UXS1: variants seen among roughly 807,000 people sequenced by gnomAD.
The protein encoded by UXS1 is UDP-glucuronate decarboxylase 1, also known as UDP-glucuronic acid decarboxylase 1.
A neutral mutation model predicts 62.6 loss-of-function variants in UXS1; 33 were observed. That is an observed-to-expected ratio of 0.53 (90% CI 0.40 to 0.70). The LOEUF (loss-of-function observed/expected upper bound fraction) is 0.70. Ranked by LOEUF, UXS1 falls within the 30% of genes least tolerant of loss-of-function variation. UXS1 has a pLI of 0.00. For synonymous variants in UXS1, 213 were observed against 206.8 expected, an observed-to-expected ratio of 1.03 and a Z score of -0.26; for missense variants, 434 against 556.3, an observed-to-expected ratio of 0.78 and a Z score of 2.21.
Position 106,128,654 on chromosome 2 carries a change from G to A in UXS1, c.577+1020C>T, listed in dbSNP as rs560113884. Reference sequence around the variant, plus strand: ...TTGGTTCTCTTTCTTGCTTGCAGAAGGCAGACGGTGGGACTTCTTGACCTC... The same window carrying A: ...TTGGTTCTCTTTCTTGCTTGCAGAAAGCAGACGGTGGGACTTCTTGACCTC... On this transcript the variant is annotated intron_variant, in intron 7 of 14. Coordinates refer to ENST00000283148, the MANE Select transcript of UXS1 (RefSeq NM_001253875.2). Among the ~76,000 whole-genome samples the A allele has an allele frequency of 3.3e-5, 5 of 152,270 alleles. No homozygotes were observed. The East Asian group carries it at 7.7e-4, about 23-fold the overall frequency.
chr2:106,093,809 A>T lies in UXS1; in HGVS notation c.*217T>A. The stretch of plus-strand genomic sequence containing the variant: ...CAGAGATGCATCTACGCTATTTTAC[A>T]TAAAAAGAGAGATTCAAAAAGTGCA... On this transcript the variant is annotated 3_prime_UTR_variant, in exon 15 of 15. Coordinates refer to ENST00000283148, the MANE Select transcript of UXS1 (RefSeq NM_001253875.2). 1 of 540,872 alleles carries T rather than the reference A, an allele frequency of 1.8e-6. No individual in the cohort carries two copies. Among genetic ancestry groups the T allele is most frequent in the African/African-American group, 2.0e-5 (1 of 50,724 alleles). The allele number at this position is 540,872 out of a possible 1,614,324, so 33.5% of individuals were successfully genotyped here. A position where few individuals can be genotyped will look rare whatever the true frequency, so the allele number is the denominator to read the frequency against.
intron 13 of UXS1, chr2:106,097,286 G>A (rs916404402): frequency 6.7e-6 from 3 of 445,690 alleles, no homozygotes; most frequent in African/African-American, 2.0e-5. Flanking sequence ...CCCAAGATGT[G>A]CAGCCACCCA....
intron 12 of UXS1, 90 bp from the exon 13 acceptor site, chr2:106,098,863 C>G: frequency 8.4e-7 from 1 of 1,186,120 alleles, no homozygotes; most frequent in Non-Finnish European, 1.2e-6. Flanking sequence ...GAGACGTCTA[C>G]TGGCCGAGTC....
chr2:106,193,840 G>A (rs1394449761), intron 1 of UXS1, among the ~76,000 whole-genome samples: 1 of 151,978 alleles, frequency 6.6e-6, no homozygotes, highest in Non-Finnish European at 1.5e-5. Context: ...CGACATGGAC[G>A]ACAGCGCCGC....
chr2:106,104,784 A>G lies in UXS1; in HGVS notation c.923+10T>C. On this transcript the variant is annotated intron_variant, in intron 11 of 14. Coordinates refer to ENST00000283148, the MANE Select transcript of UXS1 (RefSeq NM_001253875.2). ...ACTGCTAAGGCTGGGGCAGGGCAGGACAGTCTTACCTGACGTACTGGAACG... is the reference window on the plus strand; with the variant it reads ...ACTGCTAAGGCTGGGGCAGGGCAGGGCAGTCTTACCTGACGTACTGGAACG... The G allele has an allele frequency of 1.2e-6, 2 of 1,613,972 alleles. No individual in the cohort carries two copies. The highest frequency in any genetic ancestry group is 2.2e-5 in the East Asian group (1 of 44,882).
intron 1 of UXS1, among the ~76,000 whole-genome samples, chr2:106,192,758 T>G (rs1258521896): frequency 6.6e-6 from 1 of 152,112 alleles, no homozygotes; most frequent in Non-Finnish European, 1.5e-5. Flanking sequence ...TCCATAAATT[T>G]CCTAATCTCT....
chr2:106,144,225 T>C (rs918855615), intron 6 of UXS1, among the ~76,000 whole-genome samples: 9 of 152,182 alleles, frequency 5.9e-5, no homozygotes, highest in African/African-American at 2.2e-4. Context: ...TTACAAAAAC[T>C]ACAGCTTCAC....
chr2:106,121,537 C>A (rs1679522228), intron 9 of UXS1, among the ~76,000 whole-genome samples: 1 of 152,142 alleles, frequency 6.6e-6, no homozygotes, highest in East Asian at 1.9e-4. Context: ...GTCAGTACTC[C>A]TAAGTACCCA....
chr2:106,100,258 T>G (rs1398943104), intron 12 of UXS1, among the ~76,000 whole-genome samples: 1 of 152,128 alleles, frequency 6.6e-6, no homozygotes, highest in Admixed American at 6.6e-5. Flanking sequence ...ACAAAACTGC[T>G]CAGAAAATCA....
At chr2:106,098,574 CACTT>C in intron 13 of UXS1, 138 bp downstream of exon 13, 3 of 698,188 alleles carry the variant, frequency 4.3e-6, no homozygotes, top group Non-Finnish European at 7.3e-6. Context: ...AATTAGAAAA[CACTT>C]AAGTATTCCT....
At chr2:106,101,272 C>T (rs1030098450) in intron 11 of UXS1, 154 bp from the exon 12 acceptor site, 45 of 703,254 alleles carry the variant, frequency 6.4e-5, no homozygotes, top group Admixed American at 4.0e-4. Context: ...ATCCTACAAA[C>T]TAAGATGGTG....
intron 7 of UXS1, among the ~76,000 whole-genome samples, chr2:106,129,129 C>T (rs1242920220): frequency 1.3e-5 from 2 of 152,198 alleles, no homozygotes; most frequent in East Asian, 1.9e-4. Context: ...AATGCTCTCT[C>T]GTCCATCTTT....
chr2:106,171,648 C>G (rs1238519485), intron 1 of UXS1, among the ~76,000 whole-genome samples: 1 of 152,210 alleles, frequency 6.6e-6, no homozygotes, highest in East Asian at 1.9e-4. Context: ...CACCAGGAAT[C>G]CAGATCTGGG....
chr2:106,118,859 C>G (rs1211602778), intron 9 of UXS1, among the ~76,000 whole-genome samples: 1 of 152,048 alleles, frequency 6.6e-6, no homozygotes, highest in Non-Finnish European at 1.5e-5. Flanking sequence ...TATCCACATA[C>G]TATATAGGAT....
At chr2:106,141,840 A>G (rs1681122404) in intron 6 of UXS1, among the ~76,000 whole-genome samples, 1 of 151,350 alleles carries the variant, frequency 6.6e-6, no homozygotes, top group Admixed American at 6.6e-5. Flanking sequence ...CACATTTAGG[A>G]AAACAACTGG....
intron 2 of UXS1, 40 bp downstream of exon 2, chr2:106,166,016 A>T: frequency 6.3e-7 from 1 of 1,595,570 alleles, no homozygotes; most frequent in Middle Eastern, 1.7e-4. Context: ...ATGTGTCTAT[A>T]AAATCCAACC....
At chr2:106,143,978 T>C (rs1573501499) in intron 6 of UXS1, among the ~76,000 whole-genome samples, 1 of 152,356 alleles carries the variant, frequency 6.6e-6, no homozygotes, top group East Asian at 1.9e-4. Flanking sequence ...TCCAGGATCA[T>C]CCTCATTTTA....
At chr2:106,107,812 T>C (rs1313460853) in intron 10 of UXS1, among the ~76,000 whole-genome samples, 1 of 152,132 alleles carries the variant, frequency 6.6e-6, no homozygotes, top group African/African-American at 2.4e-5. Context: ...CGACACAAGG[T>C]TCATCTGCAG....
intron 1 of UXS1, among the ~76,000 whole-genome samples, chr2:106,181,490 G>T (rs913890207): frequency 6.6e-6 from 1 of 152,138 alleles, no homozygotes; most frequent in African/African-American, 2.4e-5. Context: ...AGGTCAAGAC[G>T]GGCAGATCAC....
Sources: gnomAD v4.1 joint callset for allele counts (sites outside exome capture counted in the v4.1 genomes callset) on GRCh38, gnomAD v4.1.1 for gene constraint, MANE v1.5 for transcripts, NCBI Gene and HGNC (gene_info 2026-07-23, HGNC 2026-07-21) for gene names.